ZNF521: variants seen among roughly 807,000 people sequenced by gnomAD.
ZNF521 encodes zinc finger protein 521.
ZNF521 carries 14 observed loss-of-function variants against 105.5 expected under a neutral mutation model. The observed-to-expected ratio is 0.13, with a 90% CI of 0.09 to 0.21. The LOEUF is 0.21. Ranked by LOEUF, ZNF521 falls within the 10% of genes least tolerant of loss-of-function variation. The pLI, the probability that ZNF521 is intolerant of heterozygous loss-of-function variation, is 1.00. For missense variants in ZNF521, 1,233 were observed against 1,629.7 expected (o/e 0.76, Z 4.19); for synonymous variants, 635 against 606.0 (o/e 1.05, Z -0.70).
chr18:25,147,553 G>T (rs938183434), intron 5 of ZNF521, among the ~76,000 whole-genome samples: 1 of 152,100 alleles, frequency 6.6e-6, no homozygotes, highest in Non-Finnish European at 1.5e-5. Context: ...ACATTAGTTC[G>T]ACAGCTGCTT....
chr18:25,207,680 G>T (rs996923093), intron 4 of ZNF521, among the ~76,000 whole-genome samples: 1 of 152,120 alleles, frequency 6.6e-6, no homozygotes, highest in Non-Finnish European at 1.5e-5. Context: ...ACACCTAAAA[G>T]TAAACGTTTT....
chr18:25,205,152 A>AC (rs34309285), intron 4 of ZNF521, among the ~76,000 whole-genome samples: 1 of 149,778 alleles, frequency 6.7e-6, no homozygotes, highest in African/African-American at 2.5e-5. Flanking sequence ...AAAAAAAAAA[A>AC]AAAAAAAAAA....
intron 3 of ZNF521, among the ~76,000 whole-genome samples, chr18:25,229,554 C>G (rs1394532053): frequency 6.6e-6 from 1 of 151,182 alleles, no homozygotes; most frequent in African/African-American, 2.4e-5. Context: ...AAAAATTTAA[C>G]TAAAAGCAAA....
intron 5 of ZNF521, among the ~76,000 whole-genome samples, chr18:25,166,197 T>TAAAA (rs1352235430): frequency 2.6e-5 from 4 of 152,216 alleles, no homozygotes; most frequent in African/African-American, 9.6e-5. Flanking sequence ...TTTTCTACTC[T>TAAAA]TTTTAATGAA....
intron 4 of ZNF521, among the ~76,000 whole-genome samples, chr18:25,199,593 G>GA (rs1158557080): frequency 6.6e-6 from 1 of 151,716 alleles, no homozygotes; most frequent in African/African-American, 2.4e-5. Context: ...AAAGTTTCAA[G>GA]AAAAAAACAT....
At chr18:25,333,617 G>A (rs1165384577) in intron 2 of ZNF521, among the ~76,000 whole-genome samples, 1 of 151,996 alleles carries the variant, frequency 6.6e-6, no homozygotes, top group Admixed American at 6.6e-5. Context: ...ATGCCCAATT[G>A]CCTCCACAGA....
chr18:25,213,883 A>G (rs2036236630), intron 4 of ZNF521, among the ~76,000 whole-genome samples: 1 of 152,114 alleles, frequency 6.6e-6, no homozygotes, highest in South Asian at 2.1e-4. Flanking sequence ...TATATACTGT[A>G]ACTTAAATTC....
intron 4 of ZNF521, among the ~76,000 whole-genome samples, chr18:25,207,302 C>T (rs1046543497): frequency 4.6e-5 from 7 of 151,620 alleles, no homozygotes; most frequent in Admixed American, 1.3e-4. Context: ...TGAAAACATC[C>T]ACATGTACAT....
At chr18:25,234,694 C>T (rs1203576638) in intron 3 of ZNF521, among the ~76,000 whole-genome samples, 1 of 151,878 alleles carries the variant, frequency 6.6e-6, no homozygotes, top group African/African-American at 2.4e-5. Flanking sequence ...GCCAAAGTTA[C>T]CTATAAGTGA....
intron 3 of ZNF521, among the ~76,000 whole-genome samples, chr18:25,309,945 AT>A (rs1238603222): frequency 6.6e-6 from 1 of 152,176 alleles, no homozygotes; most frequent in Admixed American, 6.5e-5. Flanking sequence ...TTTCTTTTAA[AT>A]TTTTTTAACA....
chr18:25,289,920 T>A (rs562726560), intron 3 of ZNF521, among the ~76,000 whole-genome samples: 13 of 152,372 alleles, frequency 8.5e-5, no homozygotes, highest in African/African-American at 2.9e-4. Context: ...GAAAATATCC[T>A]TTTAATAAGC....
chr18:25,314,801 CAAG>C (rs1912512485), intron 3 of ZNF521, among the ~76,000 whole-genome samples: 1 of 152,206 alleles, frequency 6.6e-6, no homozygotes, highest in Non-Finnish European at 1.5e-5. Context: ...ACAGACAACT[CAAG>C]TTTGCAAATT....
rs139913785 is a variant in ZNF521, at chr18:25,159,472, A to G, written c.3658+35688T>C. Among the ~76,000 whole-genome samples, 8 of 152,236 alleles carry G rather than the reference A, an allele frequency of 5.3e-5. No homozygotes were observed. In the East Asian group the frequency reaches 1.5e-3, roughly 29 times the overall value. The stretch of plus-strand genomic sequence containing the variant: ...CTAAACCAGGGAACATGTAAAAAAC[A>G]GGAGTGTTGCTTTCTGCAGAGGAGA... On this transcript the variant is annotated intron_variant, in intron 5 of 7. Transcript: ENST00000361524.
chr18:25,158,892 G>A (rs2035197777), intron 5 of ZNF521, among the ~76,000 whole-genome samples: 1 of 151,904 alleles, frequency 6.6e-6, no homozygotes, highest in Admixed American at 6.6e-5. Context: ...GAAGGTGGAG[G>A]TTGCAGTGAG....
At chr18:25,127,638 T>C (rs958584356) in intron 5 of ZNF521, among the ~76,000 whole-genome samples, 1 of 151,954 alleles carries the variant, frequency 6.6e-6, no homozygotes, top group African/African-American at 2.4e-5. Context: ...GAAATTTGAG[T>C]TTTGGAAAAT....
intron 7 of ZNF521, among the ~76,000 whole-genome samples, chr18:25,083,754 T>G (rs1169146589): frequency 2.7e-5 from 4 of 148,298 alleles, no homozygotes; most frequent in Non-Finnish European, 3.0e-5. Flanking sequence ...CATATATATA[T>G]TTTGTTTGTT....
intron 5 of ZNF521, among the ~76,000 whole-genome samples, chr18:25,130,634 A>G (rs112745880): frequency 1.6e-4 from 25 of 152,318 alleles, no homozygotes; most frequent in African/African-American, 6.0e-4. Context: ...CTGCTTTAAG[A>G]AAGTTTATTC....
rs141134782 is a variant in ZNF521 at position 25,192,669 on chromosome 18, T to A, written c.3658+2491A>T. Among the ~76,000 whole-genome samples, 492 of 148,638 alleles carry A rather than the reference T, an allele frequency of 3.3e-3. 2 individuals carry two copies. Among genetic ancestry groups the A allele is most frequent in the African/African-American group, 0.011 (429 of 38,828 alleles). Reference sequence around the variant, plus strand: ...CCCCTTCCTCTATTAAATGTCTAGTTGAGATTATTTTTTGATTAGACAAAA... The same window carrying A: ...CCCCTTCCTCTATTAAATGTCTAGTAGAGATTATTTTTTGATTAGACAAAA... On this transcript the variant is annotated intron_variant, in intron 5 of 7. Coordinates refer to ENST00000361524, the MANE Select transcript of ZNF521 (RefSeq NM_015461.3).
chr18:25,105,619 A>G (rs1439411364), intron 5 of ZNF521, among the ~76,000 whole-genome samples: 1 of 152,168 alleles, frequency 6.6e-6, no homozygotes, highest in Non-Finnish European at 1.5e-5. Flanking sequence ...TCCATTCTCA[A>G]TTAATCTGCT....
Sources: gnomAD v4.1 joint callset for allele counts (sites outside exome capture counted in the v4.1 genomes callset) on GRCh38, gnomAD v4.1.1 for gene constraint, MANE v1.5 for transcripts, NCBI Gene and HGNC (gene_info 2026-07-23, HGNC 2026-07-21) for gene names.